SMURF2: variants seen among roughly 807,000 people sequenced by gnomAD.
SMURF2 encodes the protein E3 ubiquitin-protein ligase SMURF2.
A neutral mutation model predicts 109.6 loss-of-function variants in SMURF2; 48 were observed. The observed-to-expected ratio is 0.44, with a 90% CI of 0.35 to 0.56. The LOEUF (loss-of-function observed/expected upper bound fraction) is 0.56, where lower values mean the gene tolerates loss of function less well. Ranked by LOEUF, SMURF2 falls within the 20% of genes least tolerant of loss-of-function variation. SMURF2 has a pLI of 0.01. For missense variants in SMURF2, 575 were observed against 909.0 expected (o/e 0.63, Z 4.72); for synonymous variants, 288 against 317.1 (o/e 0.91, Z 0.97).
At chr17:64,602,130 G>A (rs1969906987) in intron 2 of SMURF2, among the ~76,000 whole-genome samples, 1 of 151,872 alleles carries the variant, frequency 6.6e-6, no homozygotes, top group Admixed American at 6.6e-5. Flanking sequence ...TAAGCTATGA[G>A]GATGCAAAGG....
In SMURF2 at chr17:64,546,327, G is replaced by A; in HGVS notation, c.2083C>T (p.Pro695Ser). The change falls in exon 18 of 19, where the codon CCG becomes TCG. Residue 695 changes from proline to serine, a missense_variant. Around this residue, in one of 5 missense-constraint regions of SMURF2, gnomAD observed 361 missense variants for 612.1 expected, o/e 0.59. Transcript: ENST00000262435. ...ATCTGGTGTATGGTAAAGAGTCTCG[G>A]GCCTGCAGCACCTGCAAATGAAGGA... ...GFKALQGAAG[P>S]RLFTIHQIDA... 6.2e-7 allele frequency: 1 copy of A among 1,613,960 alleles called. No homozygotes were observed. The highest frequency in any genetic ancestry group is 8.5e-7 in the Non-Finnish European group (1 of 1,179,908).
chr17:64,628,667 A>T (rs6504245), intron 1 of SMURF2, among the ~76,000 whole-genome samples: 35,979 of 152,106 alleles, frequency 0.24, 8,300 homozygotes, highest in African/African-American at 0.6. Context: ...CTTAAACTCT[A>T]ACACTAAGAC....
rs565664015 is a variant in SMURF2 at position 64,582,667 on chromosome 17, C to T, written c.569+794G>A. 2.0e-5 allele frequency among the ~76,000 whole-genome samples: 3 copies of T among 152,268 alleles called. No individual in the cohort carries two copies. In the East Asian group the frequency reaches 5.8e-4, roughly 29 times the overall value. The stretch of plus-strand genomic sequence containing the variant: ...AGGCCGGAGTGCAGTGGCGCAATCT[C>T]GGCTCACTGCAACCTCCACCTCCTG... On this transcript the variant is annotated intron_variant, in intron 7 of 18. Coordinates refer to ENST00000262435, the MANE Select transcript of SMURF2 (RefSeq NM_022739.4).
At chr17:64,567,947 T>C (rs1969338306) in intron 10 of SMURF2, among the ~76,000 whole-genome samples, 1 of 146,678 alleles carries the variant, frequency 6.8e-6, no homozygotes, top group Non-Finnish European at 1.5e-5. Context: ...TCAGCCTCCC[T>C]GGTTCAAGCA....
intron 1 of SMURF2, among the ~76,000 whole-genome samples, chr17:64,612,578 G>A (rs1970060085): frequency 6.6e-6 from 1 of 151,994 alleles, no homozygotes; most frequent in Non-Finnish European, 1.5e-5. Flanking sequence ...GGAGGCTGAG[G>A]CATGAGAATC....
chr17:64,603,389 C>T (rs1969923820), intron 2 of SMURF2, among the ~76,000 whole-genome samples: 1 of 151,916 alleles, frequency 6.6e-6, no homozygotes, highest in South Asian at 2.1e-4. Flanking sequence ...CGAGACCAGC[C>T]TGGCCAACAT....
chr17:64,624,523 T>C (rs1234944361), intron 1 of SMURF2, among the ~76,000 whole-genome samples: 1 of 147,134 alleles, frequency 6.8e-6, no homozygotes, highest in Admixed American at 6.8e-5. Flanking sequence ...AAAAAAAAAT[T>C]AAAAAAATTA....
intron 2 of SMURF2, among the ~76,000 whole-genome samples, chr17:64,601,950 CAT>C (rs1206500702): frequency 5.4e-5 from 8 of 149,144 alleles, no homozygotes; most frequent in African/African-American, 2.0e-4. Context: ...TACACACCTA[CAT>C]ATACACACAC....
In SMURF2 at chr17:64,570,673, G is replaced by A. The variant is rs114856195; in HGVS notation, c.1016+1125C>T. Among the ~76,000 whole-genome samples, 1,220 of 152,314 alleles carry A rather than the reference G, an allele frequency of 8.0e-3. 18 individuals carry two copies. Among genetic ancestry groups the A allele is most frequent in the African/African-American group, 0.028 (1,156 of 41,558 alleles). On this transcript the variant is annotated intron_variant, in intron 10 of 18. Coordinates refer to ENST00000262435, the MANE Select transcript of SMURF2 (RefSeq NM_022739.4). Reference sequence around the variant, plus strand: ...CACTCCAGACTTCACCACTGGCAACGTATGGAAAGTCATGTAACCTCTATA... The same window carrying A: ...CACTCCAGACTTCACCACTGGCAACATATGGAAAGTCATGTAACCTCTATA...
intron 1 of SMURF2, among the ~76,000 whole-genome samples, chr17:64,661,031 G>C (rs1257441918): frequency 6.6e-6 from 1 of 152,070 alleles, no homozygotes; most frequent in Non-Finnish European, 1.5e-5. Context: ...GAGAGTAACA[G>C]AAAGTTTGCT....
chr17:64,606,519 A>C, intron 2 of SMURF2, 83 bp downstream of exon 2: 226 of 974,648 alleles, frequency 2.3e-4, no homozygotes, highest in Non-Finnish European at 3.2e-4. Context: ...CTGAATAGAG[A>C]AACCCCTAAA....
chr17:64,584,701 G>T (rs1555686934), intron 6 of SMURF2, among the ~76,000 whole-genome samples: 1 of 152,024 alleles, frequency 6.6e-6, no homozygotes, highest in Non-Finnish European at 1.5e-5. Flanking sequence ...TTAATTTAAT[G>T]AAAAAGAGCC....
At chr17:64,605,212 G>A (rs911487292) in intron 2 of SMURF2, among the ~76,000 whole-genome samples, 3 of 152,056 alleles carry the variant, frequency 2.0e-5, no homozygotes, top group African/African-American at 7.2e-5. Context: ...ACAAGCTTCT[G>A]GCGAGAAGGC....
intron 9 of SMURF2, among the ~76,000 whole-genome samples, chr17:64,574,870 C>T (rs1308483787): frequency 9.2e-5 from 14 of 152,152 alleles, no homozygotes; most frequent in Admixed American, 7.9e-4. Context: ...TGCCAGCTTA[C>T]ATACTATTCT....
chr17:64,584,351 CT>C (rs781823585), intron 6 of SMURF2, among the ~76,000 whole-genome samples: 1 of 131,796 alleles, frequency 7.6e-6, no homozygotes, highest in Non-Finnish European at 1.6e-5. Context: ...CAGCTACTTT[CT>C]TTTTTTTTCT....
chr17:64,587,428 T>C (rs1369363777), intron 5 of SMURF2, among the ~76,000 whole-genome samples: 4 of 152,198 alleles, frequency 2.6e-5, no homozygotes, highest in Non-Finnish European at 5.9e-5. Context: ...ATAATCCCTG[T>C]CTGAATAATG....
rs147264785 is a variant in SMURF2, at chr17:64,634,052, G to T, written c.53-27412C>A. Among the ~76,000 whole-genome samples, 22 of 152,296 alleles carry T rather than the reference G, an allele frequency of 1.4e-4. No individual in the cohort carries two copies. In the East Asian group the frequency reaches 4.0e-3, roughly 28 times the overall value. ...GCCTGTAATCCCAGCTACTTGGGAG[G>T]CTGAGGCACAAAAATAGCTTGAACC... On this transcript the variant is annotated intron_variant, in intron 1 of 18. Coordinates refer to ENST00000262435, the MANE Select transcript of SMURF2 (RefSeq NM_022739.4).
At chr17:64,602,777 A>G (rs1969915608) in intron 2 of SMURF2, among the ~76,000 whole-genome samples, 1 of 151,988 alleles carries the variant, frequency 6.6e-6, no homozygotes, top group Non-Finnish European at 1.5e-5. Flanking sequence ...AAATACAAAA[A>G]ATTAGCCGGG....
Position 64,562,819 on chromosome 17 carries a change from A to C in SMURF2, c.1164T>G (p.Pro388=). The C allele has an allele frequency of 6.2e-7, 1 of 1,614,156 alleles. No homozygotes were observed. The highest frequency in any genetic ancestry group is 1.1e-5 in the South Asian group (1 of 91,076). The part of the protein sequence containing the change: ...ILRQELSQQQ[P]QAGHCRIEVS... ...CCTCAATGCGGCAATGACCTGCCTGAGGCTGTTGTTGGGAAAGTTCTTGCC... is the reference window on the plus strand; with the variant it reads ...CCTCAATGCGGCAATGACCTGCCTGCGGCTGTTGTTGGGAAAGTTCTTGCC... The change falls in exon 11 of 19, where the codon CCT becomes CCG. Residue 388 remains proline, a synonymous_variant. Transcript: ENST00000262435.
Sources: gnomAD v4.1 joint callset for allele counts (sites outside exome capture counted in the v4.1 genomes callset) on GRCh38, gnomAD v4.1.1 for gene constraint, gnomAD v4.1.1 regional missense constraint, MANE v1.5 for transcripts, NCBI Gene and HGNC (gene_info 2026-07-23, HGNC 2026-07-21) for gene names.